Variants in INHBB observed in about 807,000 individuals in gnomAD.
The protein encoded by INHBB is inhibin beta B chain.
INHBB carries 8 observed loss-of-function variants against 28.9 expected under a neutral mutation model. The ratio of observed to expected loss-of-function variants is 0.28; its 90% CI spans 0.16 to 0.50. The LOEUF (loss-of-function observed/expected upper bound fraction) is 0.50, where lower values mean the gene tolerates loss of function less well. INHBB is among the 20% of genes least tolerant of loss of function. INHBB has a pLI of 0.98. For missense variants in INHBB, 499 were observed against 597.8 expected (o/e 0.83, Z 1.72); for synonymous variants, 293 against 262.7 (o/e 1.12, Z -1.12).
chr2:120,346,625 T>A lies in INHBB; in HGVS notation c.437T>A (p.Phe146Tyr). The A allele has an allele frequency of 6.9e-7, 1 of 1,446,334 alleles. No individual in the cohort carries two copies. Among genetic ancestry groups the A allele is most frequent in the Non-Finnish European group, 9.0e-7 (1 of 1,105,544 alleles). 89.6% of individuals were successfully genotyped at this position (1,446,334 alleles called of 1,614,324 possible). A position where few individuals can be genotyped will look rare whatever the true frequency, so the allele number is the denominator to read the frequency against. ...GQERVSEIIS[F>Y]AETDGLASSR... ...GAGCGCGTTTCCGAAATCATCAGCT[T>A]CGCCGAGACAGGTGGGTCCGGCCCT... The change falls in exon 1 of 2, where the codon TTC becomes TAC. Residue 146 changes from phenylalanine (F) to tyrosine (Y), a missense_variant. By Grantham distance (22) the Phe-to-Tyr change is conservative (BLOSUM62 3). Transcript: ENST00000295228.
chr2:120,346,205 G>A lies in INHBB; in HGVS notation c.17G>A (p.Gly6Asp). The change falls in exon 1 of 2, where the codon GGT becomes GAT. Residue 6 changes from glycine (G) to aspartate (D), a missense_variant. Physicochemically the swap from Gly to Asp is moderately conservative, Grantham distance 94. Transcript: ENST00000295228. MDGLP[G>D]RALGAACLLL... is the part of the protein sequence containing the mutation. ...CGGCGCACCATGGACGGGCTGCCCG[G>A]TCGGGCGCTGGGGGCCGCCTGCCTT... 1 of 1,200,830 alleles carries A rather than the reference G, an allele frequency of 8.3e-7. No individual in the cohort carries two copies. The allele number at this position is 1,200,830 out of a possible 1,614,324, so 74.4% of individuals were successfully genotyped here. A position where few individuals can be genotyped will look rare whatever the true frequency, so the allele number is the denominator to read the frequency against.
At chr2:120,346,794 C>T (rs746115750) in intron 1 of INHBB, among the ~76,000 whole-genome samples, 158 bp downstream of exon 1, 12 of 152,184 alleles carry the variant, frequency 7.9e-5, no homozygotes, top group Non-Finnish European at 1.8e-4. Context: ...CTGCGCGCTC[C>T]GCCCGGGTTG....
chr2:120,349,970 G>A lies in INHBB; in HGVS notation c.*96G>A. The A allele has an allele frequency of 8.1e-7, 1 of 1,229,652 alleles. No homozygotes were observed. Among genetic ancestry groups the A allele is most frequent in the Non-Finnish European group, 1.1e-6 (1 of 878,386 alleles). The allele number at this position is 1,229,652 out of a possible 1,614,324, so 76.2% of individuals were successfully genotyped here. ...GGAACGGGGGTACACGGTGGGCTGAGTACAGTCATTCTGTTGGGCTGTGGA... is the reference window on the plus strand; with the variant it reads ...GGAACGGGGGTACACGGTGGGCTGAATACAGTCATTCTGTTGGGCTGTGGA... On this transcript the variant is annotated 3_prime_UTR_variant, in exon 2 of 2. Transcript: ENST00000295228. This position sits in a 1 kb window ranked among gnomAD's most constrained non-coding sequence, Gnocchi z 5.6.
At position 120,349,915 on chromosome 2, in the gene INHBB, G is replaced by C. The variant is rs1429440525; in HGVS notation, c.*41G>C. The C allele has an allele frequency of 1.8e-5, 28 of 1,571,694 alleles. No individual in the cohort carries two copies. Among genetic ancestry groups the C allele is most frequent in the Non-Finnish European group, 2.4e-5 (28 of 1,155,598 alleles). Reference sequence around the variant, plus strand: ...GCACGGTGGTGGGGCACGGAGGGCAGTCCCGGGTGGGCTTCTTCCAGCCCC... The same window carrying C: ...GCACGGTGGTGGGGCACGGAGGGCACTCCCGGGTGGGCTTCTTCCAGCCCC... On this transcript the variant is annotated 3_prime_UTR_variant, in exon 2 of 2. Coordinates refer to ENST00000295228, the MANE Select transcript of INHBB (RefSeq NM_002193.4). This position sits in a 1 kb window ranked among gnomAD's most constrained non-coding sequence, Gnocchi z 5.6.
At position 120,349,997 on chromosome 2, in the gene INHBB, A is replaced by G; in HGVS notation, c.*123A>G. On this transcript the variant is annotated 3_prime_UTR_variant, in exon 2 of 2. Coordinates refer to ENST00000295228, the MANE Select transcript of INHBB (RefSeq NM_002193.4). The surrounding 1 kb of genome is among the most constrained non-coding windows in gnomAD (Gnocchi z 5.6). ...ACAGTCATTCTGTTGGGCTGTGGAGATAGTGCCAGGGTGCGGCCTGAGATA... is the reference window on the plus strand; with the variant it reads ...ACAGTCATTCTGTTGGGCTGTGGAGGTAGTGCCAGGGTGCGGCCTGAGATA... 2.0e-6 allele frequency: 2 copies of G among 980,444 alleles called. No individual in the cohort carries two copies. Among genetic ancestry groups the G allele is most frequent in the Non-Finnish European group, 3.0e-6 (2 of 669,626 alleles). The allele number at this position is 980,444 out of a possible 1,614,324, so 60.7% of individuals were successfully genotyped here.
rs1691229263 is a variant in INHBB at position 120,349,810 on chromosome 2, A to T, written c.1160A>T (p.Asp387Val). The T allele has an allele frequency of 6.2e-7, 1 of 1,613,070 alleles. No individual in the cohort carries two copies. Among genetic ancestry groups the T allele is most frequent in the Admixed American group, 1.7e-5 (1 of 60,016 alleles). The stretch of plus-strand genomic sequence containing the variant: ...ACCATGTCCATGCTGTACTTCGATG[A>T]TGAGTACAACATCGTCAAGCGGGAC... ...LSTMSMLYFD[D>V]EYNIVKRDVP... The change falls in exon 2 of 2, where the codon GAT becomes GTT. Residue 387 changes from aspartate (D) to valine (V), a missense_variant. By Grantham distance (152) the Asp-to-Val change is radical (BLOSUM62 -3). Coordinates refer to ENST00000295228, the MANE Select transcript of INHBB (RefSeq NM_002193.4). The surrounding 1 kb of genome is among the most constrained non-coding windows in gnomAD (Gnocchi z 5.6).
At chr2:120,347,857 C>CGTTTT (rs1691188989) in intron 1 of INHBB, among the ~76,000 whole-genome samples, 1 of 152,170 alleles carries the variant, frequency 6.6e-6, no homozygotes, top group Non-Finnish European at 1.5e-5. Context: ...TAAAGTGAGT[C>CGTTTT]AGGGAAAGCT....
intron 1 of INHBB, among the ~76,000 whole-genome samples, chr2:120,348,656 CAAAAAAA>C (rs5833831): frequency 1.3e-5 from 1 of 74,458 alleles, no homozygotes; most frequent in African/African-American, 5.3e-5. Flanking sequence ...CTAAGTTAAC[CAAAAAAA>C]AAAAAAAAAA....
chr2:120,346,848 A>G (rs986206769), intron 1 of INHBB, among the ~76,000 whole-genome samples: 6 of 151,240 alleles, frequency 4.0e-5, no homozygotes, highest in African/African-American at 1.5e-4. Flanking sequence ...TGCTGCCTCA[A>G]CCCCCCGCCG....
In INHBB at chr2:120,346,228, C is replaced by G; in HGVS notation, c.40C>G (p.Leu14Val). ...CGGTCGGGCGCTGGGGGCCGCCTGC[C>G]TTCTGCTGCTGGCGGCCGGCTGGCT... Reference protein sequence around the residue: ...LPGRALGAACLLLLAAGWLGP... With the variant: ...LPGRALGAACVLLLAAGWLGP... The change falls in exon 1 of 2, where the codon CTT becomes GTT. Residue 14 changes from leucine (L) to valine (V), a missense_variant. Around this residue, in one of 2 missense-constraint regions of INHBB, gnomAD observed 385 missense variants for 415.2 expected, o/e 0.93. Coordinates refer to ENST00000295228, the MANE Select transcript of INHBB (RefSeq NM_002193.4). 1 of 1,221,342 alleles carries G rather than the reference C, an allele frequency of 8.2e-7. No homozygotes were observed. The highest frequency in any genetic ancestry group is 1.0e-6 in the Non-Finnish European group (1 of 981,496). 75.7% of individuals were successfully genotyped at this position (1,221,342 alleles called of 1,614,324 possible). A position where few individuals can be genotyped will look rare whatever the true frequency, so the allele number is the denominator to read the frequency against.
Position 120,346,610 on chromosome 2 carries a change from C to T in INHBB, c.422C>T (p.Ser141Phe), listed in dbSNP as rs1691158750. 4.8e-6 allele frequency: 7 copies of T among 1,451,834 alleles called. No homozygotes were observed. The South Asian group carries it at 8.6e-5, about 18-fold the overall frequency. The allele number at this position is 1,451,834 out of a possible 1,614,324, so 89.9% of individuals were successfully genotyped here. The part of the protein sequence containing the change: ...SPGADGQERV[S>F]EIISFAETDG... ...GGCGCCGACGGCCAGGAGCGCGTTT[C>T]CGAAATCATCAGCTTCGCCGAGACA... The change falls in exon 1 of 2, where the codon TCC becomes TTC. Residue 141 changes from serine (S) to phenylalanine (F), a missense_variant. Transcript: ENST00000295228.
rs750934647 is a variant in INHBB, at chr2:120,349,290, A to G, written c.640A>G (p.Met214Val). Residue 214 changes from methionine (M) to valine (V), a missense_variant, in exon 2 of 2, where the codon ATG becomes GTG. Transcript: ENST00000295228. This position sits in a 1 kb window ranked among gnomAD's most constrained non-coding sequence, Gnocchi z 5.6. ...QEQGHGDRWN[M>V]VEKRVDLKRS... is the part of the protein sequence containing the mutation. Reference sequence around the variant, plus strand: ...GCAGGGCCACGGTGACAGGTGGAACATGGTGGAGAAGAGGGTGGACCTCAA... The same window carrying G: ...GCAGGGCCACGGTGACAGGTGGAACGTGGTGGAGAAGAGGGTGGACCTCAA... The G allele has an allele frequency of 1.2e-6, 2 of 1,614,146 alleles. No individual in the cohort carries two copies. Among genetic ancestry groups the G allele is most frequent in the Middle Eastern group, 1.7e-4 (1 of 6,060 alleles).
rs904089802 is a variant in INHBB at position 120,349,458 on chromosome 2, G to A, written c.808G>A (p.Glu270Lys). 6 of 1,613,746 alleles carry A rather than the reference G, an allele frequency of 3.7e-6. No homozygotes were observed. The highest frequency in any genetic ancestry group is 2.2e-5 in the East Asian group (1 of 44,886). ...GCCGGTGTTCGTGGACCCAGGCGAA[G>A]AGTCGCACCGGCCCTTTGTGGTGGT... ...VVPVFVDPGE[E>K]SHRPFVVVQA... Residue 270 changes from glutamate (E) to lysine (K), a missense_variant, in exon 2 of 2, where the codon GAG becomes AAG. Coordinates refer to ENST00000295228, the MANE Select transcript of INHBB (RefSeq NM_002193.4). The surrounding 1 kb of genome is among the most constrained non-coding windows in gnomAD (Gnocchi z 5.6).
intron 1 of INHBB, among the ~76,000 whole-genome samples, 160 bp downstream of exon 1, chr2:120,346,796 C>G (rs1691164311): frequency 6.6e-6 from 1 of 152,186 alleles, no homozygotes; most frequent in African/African-American, 2.4e-5. Flanking sequence ...GCGCGCTCCG[C>G]CCGGGTTGCA....
intron 1 of INHBB, among the ~76,000 whole-genome samples, 198 bp downstream of exon 1, chr2:120,346,834 T>A (rs1691164811): frequency 6.6e-6 from 1 of 152,148 alleles, no homozygotes; most frequent in East Asian, 1.9e-4. Flanking sequence ...CGCAGACCCT[T>A]GCCTGCTGCC....
Position 120,346,314 on chromosome 2 carries a change from CCCGCCACCCGGAT to C in INHBB, c.129_141del (p.Pro44ArgfsTer31). ...CGACGCCTGCCGCGCCGCCGCCACCCCCGCCACCCGGATCCCCGGGTGGCTCGCAGGACACCTG... is the reference window on the plus strand; with the variant it reads ...CGACGCCTGCCGCGCCGCCGCCACCCCCCCGGGTGGCTCGCAGGACACCTG... On this transcript the variant is annotated frameshift_variant, in exon 1 of 2. Transcript: ENST00000295228. LOFTEE classifies it high-confidence loss of function. 1 of 1,383,158 alleles carries C rather than the reference CCCGCCACCCGGAT, an allele frequency of 7.2e-7. No individual in the cohort carries two copies. Among genetic ancestry groups the C allele is most frequent in the Non-Finnish European group, 9.3e-7 (1 of 1,075,876 alleles). The allele number at this position is 1,383,158 out of a possible 1,614,324, so 85.7% of individuals were successfully genotyped here.
At chr2:120,347,111 G>A (rs1051561982) in intron 1 of INHBB, among the ~76,000 whole-genome samples, 1 of 152,232 alleles carries the variant, frequency 6.6e-6, no homozygotes, top group African/African-American at 2.4e-5. Context: ...GTGTGTGTGT[G>A]TGCCTGCGTG....
At position 120,349,002 on chromosome 2, in the gene INHBB, G is replaced by A. The variant is rs1401771641; in HGVS notation, c.449-97G>A. The A allele has an allele frequency of 2.1e-5, 29 of 1,371,194 alleles. No homozygotes were observed. Among genetic ancestry groups the A allele is most frequent in the Non-Finnish European group, 2.8e-5 (28 of 1,005,296 alleles). 84.9% of individuals were successfully genotyped at this position (1,371,194 alleles called of 1,614,324 possible). A position where few individuals can be genotyped will look rare whatever the true frequency, so the allele number is the denominator to read the frequency against. ...CAGTAACGTTTTCCAGCTGTGTGGC[G>A]AGTTGCATTCCAGCATCCTGCAGCA... On this transcript the variant is annotated intron_variant, in intron 1 of 1. Transcript: ENST00000295228. This position sits in a 1 kb window ranked among gnomAD's most constrained non-coding sequence, Gnocchi z 5.6.
In INHBB at chr2:120,346,458, C is replaced by T; in HGVS notation, c.270C>T (p.Gly90=). ...RHILSRLQMR[G]RPNITHAVPK... Reference sequence around the variant, plus strand: ...TCTTGAGCCGCCTGCAGATGCGGGGCCGGCCCAACATCACGCACGCCGTGC... The same window carrying T: ...TCTTGAGCCGCCTGCAGATGCGGGGTCGGCCCAACATCACGCACGCCGTGC... Residue 90 remains glycine, a synonymous_variant, in exon 1 of 2, where the codon GGC becomes GGT. Coordinates refer to ENST00000295228, the MANE Select transcript of INHBB (RefSeq NM_002193.4). 1.3e-6 allele frequency: 2 copies of T among 1,557,444 alleles called. No individual in the cohort carries two copies. The highest frequency in any genetic ancestry group is 8.6e-7 in the Non-Finnish European group (1 of 1,160,126).
Sources: gnomAD v4.1 joint callset for allele counts (sites outside exome capture counted in the v4.1 genomes callset) on GRCh38, gnomAD v4.1.1 for gene constraint, gnomAD v4.1.1 regional missense constraint, Gnocchi (gnomAD v3.1) non-coding constraint, MANE v1.5 for transcripts, NCBI Gene and HGNC (gene_info 2026-07-23, HGNC 2026-07-21) for gene names.